ADGRL3: variants seen among roughly 807,000 people sequenced by gnomAD.
The protein encoded by ADGRL3 is adhesion G protein-coupled receptor L3, also known as calcium-independent alpha-latrotoxin receptor 3.
ADGRL3 carries 62 observed loss-of-function variants against 153.5 expected under a neutral mutation model. The observed-to-expected ratio is 0.40, with a 90% confidence interval of 0.33 to 0.50. ADGRL3 has a LOEUF of 0.50. Among genes scored for constraint, ADGRL3 ranks in the 20% least tolerant of loss-of-function variants. The pLI is 0.47. For missense variants in ADGRL3, 1,641 were observed against 1,859.4 expected (o/e 0.88, Z 2.16); for synonymous variants, 710 against 672.5 (o/e 1.06, Z -0.86).
chr4:61,259,740 T>C (rs1382046316), intron 1 of ADGRL3, among the ~76,000 whole-genome samples: 1 of 152,166 alleles, frequency 6.6e-6, no homozygotes, highest in Admixed American at 6.5e-5. Context: ...TTACCTTTTT[T>C]TTCTCCTTTG....
chr4:61,762,887 A>G (rs1023012015), intron 8 of ADGRL3, among the ~76,000 whole-genome samples: 1 of 152,134 alleles, frequency 6.6e-6, no homozygotes, highest in Non-Finnish European at 1.5e-5. Context: ...AATCCATTCT[A>G]TCTTAGCAGC....
chr4:62,022,940 T>C (rs983907678), intron 21 of ADGRL3, among the ~76,000 whole-genome samples: 2 of 152,136 alleles, frequency 1.3e-5, no homozygotes, highest in African/African-American at 4.8e-5. Context: ...CAATGAGTAA[T>C]TTCTCCTTTA....
intron 13 of ADGRL3, among the ~76,000 whole-genome samples, chr4:61,926,038 C>T (rs2098792952): frequency 6.6e-6 from 1 of 152,072 alleles, no homozygotes; most frequent in African/African-American, 2.4e-5. Flanking sequence ...GCCTACTGCC[C>T]CTTAGGCAAC....
At chr4:61,865,250 C>A (rs2098388708) in intron 9 of ADGRL3, among the ~76,000 whole-genome samples, 1 of 141,340 alleles carries the variant, frequency 7.1e-6, no homozygotes, top group African/African-American at 2.6e-5. Flanking sequence ...TGCCCACCCC[C>A]ATATACAAGC....
intron 2 of ADGRL3, among the ~76,000 whole-genome samples, chr4:61,478,167 C>T (rs1157365286): frequency 2.0e-5 from 3 of 152,006 alleles, no homozygotes; most frequent in South Asian, 2.1e-4. Flanking sequence ...TGTCAGAGTA[C>T]TTATGGGCAT....
intron 2 of ADGRL3, among the ~76,000 whole-genome samples, chr4:61,440,491 ATT>A (rs976673511): frequency 6.6e-6 from 1 of 152,222 alleles, no homozygotes; most frequent in African/African-American, 2.4e-5. Flanking sequence ...TTCAGAGCCT[ATT>A]TATAAAGTAC....
chr4:62,065,871 A>C (rs1281227704), intron 25 of ADGRL3, among the ~76,000 whole-genome samples: 7 of 152,138 alleles, frequency 4.6e-5, no homozygotes, highest in Admixed American at 2.6e-4. Context: ...AATTTTAAAT[A>C]ATACTGTATT....
intron 25 of ADGRL3, among the ~76,000 whole-genome samples, chr4:62,062,101 C>A (rs956793144): frequency 5.9e-5 from 9 of 151,964 alleles, no homozygotes; most frequent in African/African-American, 1.9e-4. Flanking sequence ...ATAATCATTT[C>A]TCTGCATTCT....
chr4:62,062,347 C>G (rs1297306715), intron 25 of ADGRL3, among the ~76,000 whole-genome samples: 1 of 151,722 alleles, frequency 6.6e-6, no homozygotes, highest in African/African-American at 2.4e-5. Flanking sequence ...TTTTTGCATG[C>G]TCGATACTAG....
chr4:61,456,034 T>A (rs2097731737), intron 2 of ADGRL3, among the ~76,000 whole-genome samples: 1 of 151,994 alleles, frequency 6.6e-6, no homozygotes, highest in Non-Finnish European at 1.5e-5. Context: ...CAGGCTGGTC[T>A]CGAACTCCTA....
chr4:61,409,399 T>C (rs1210807040), intron 2 of ADGRL3, among the ~76,000 whole-genome samples: 1 of 64,612 alleles, frequency 1.5e-5, no homozygotes, highest in Non-Finnish European at 3.9e-5. Flanking sequence ...ATATTAGACA[T>C]ACATAATATA....
chr4:61,965,316 A>G (rs917719697), intron 17 of ADGRL3, among the ~76,000 whole-genome samples: 5 of 152,040 alleles, frequency 3.3e-5, no homozygotes, highest in African/African-American at 4.8e-5. Flanking sequence ...GGCCTATTTC[A>G]TTTGGCTATC....
At chr4:61,211,318 C>A (rs1239777626) in intron 1 of ADGRL3, among the ~76,000 whole-genome samples, 1 of 152,116 alleles carries the variant, frequency 6.6e-6, no homozygotes, top group Non-Finnish European at 1.5e-5. Flanking sequence ...TGCCCCTACC[C>A]AGCCTACCAG....
chr4:61,551,405 A>G (rs2098739841), intron 4 of ADGRL3, among the ~76,000 whole-genome samples: 1 of 152,120 alleles, frequency 6.6e-6, no homozygotes, highest in Non-Finnish European at 1.5e-5. Flanking sequence ...CACTGTGGGT[A>G]TTTTTATGTT....
At chr4:61,427,538 G>T (rs537996542) in intron 2 of ADGRL3, 8 of 153,320 alleles carry the variant, frequency 5.2e-5, no homozygotes, top group Admixed American at 4.6e-4. Flanking sequence ...ATGCAAGTCA[G>T]TTGGGGTATA....
intron 6 of ADGRL3, among the ~76,000 whole-genome samples, chr4:61,680,454 A>G (rs927089370): frequency 6.2e-5 from 9 of 145,972 alleles, no homozygotes; most frequent in East Asian, 2.0e-4. Flanking sequence ...GTGTGTTTCC[A>G]TGGCAATATT....
chr4:61,717,584 G>C (rs2096146648), intron 6 of ADGRL3, among the ~76,000 whole-genome samples: 1 of 152,170 alleles, frequency 6.6e-6, no homozygotes, highest in African/African-American at 2.4e-5. Context: ...GTTTTGATAA[G>C]TTAGTAGTAA....
chr4:61,468,499 G>T (rs1428244523), intron 2 of ADGRL3, among the ~76,000 whole-genome samples: 1 of 152,080 alleles, frequency 6.6e-6, no homozygotes, highest in Non-Finnish European at 1.5e-5. Context: ...GTAATATACA[G>T]GATGATTAGA....
chr4:61,711,976 C>A (rs1358652727), intron 6 of ADGRL3, among the ~76,000 whole-genome samples: 1 of 151,886 alleles, frequency 6.6e-6, no homozygotes, highest in Non-Finnish European at 1.5e-5. Flanking sequence ...TAGCTTTAAA[C>A]ACTATCAGGG....
Sources: allele counts gnomAD v4.1 joint callset (sites outside exome capture counted in the v4.1 genomes callset), GRCh38; gene constraint gnomAD v4.1.1; transcripts MANE v1.5; gene names NCBI Gene and HGNC (gene_info 2026-07-23, HGNC 2026-07-21).